Variants in BIRC6 observed in about 807,000 individuals in gnomAD.
BIRC6 encodes the protein baculoviral IAP repeat containing 6.
BIRC6 carries 98 observed loss-of-function variants against 503.3 expected under a neutral mutation model. The observed-to-expected ratio is 0.19, with a 90% CI of 0.17 to 0.23. The LOEUF (loss-of-function observed/expected upper bound fraction) is 0.23. BIRC6 is among the 10% of genes least tolerant of loss of function. The pLI is 1.00. For missense variants in BIRC6, 5,360 were observed against 5,806.0 expected (o/e 0.92, Z 2.50); for synonymous variants, 2,240 against 2,078.7 (o/e 1.08, Z -2.11).
intron 65 of BIRC6, among the ~76,000 whole-genome samples, chr2:32,553,218 A>G (rs1380632549): frequency 6.9e-6 from 1 of 144,746 alleles, no homozygotes; most frequent in Non-Finnish European, 1.5e-5. Flanking sequence ...AAAAAAAAAA[A>G]AAAAAAAAAA....
At chr2:32,405,805 T>G (rs1263784985) in intron 8 of BIRC6, among the ~76,000 whole-genome samples, 1 of 152,222 alleles carries the variant, frequency 6.6e-6, no homozygotes, top group Non-Finnish European at 1.5e-5. Flanking sequence ...AGTAATAGAA[T>G]AGTTCTTAAT....
At position 32,448,855 on chromosome 2, in the gene BIRC6, T is replaced by G; in HGVS notation, c.4545T>G (p.Ser1515=). Residue 1515 remains serine (S), a synonymous_variant, in exon 22 of 74, where the codon TCT becomes TCG. Transcript: ENST00000421745. ...TCTTTGATTTGGAGATGAGTGGCTC[T>G]TCTTGTAAAAATGTTTATAACAGCA... ...PVLFDLEMSG[S]SCKNVYNSSI... is the part of the protein sequence containing the mutation. 6.2e-7 allele frequency: 1 copy of G among 1,613,496 alleles called. No individual in the cohort carries two copies. Among genetic ancestry groups the G allele is most frequent in the Non-Finnish European group, 8.5e-7 (1 of 1,179,494 alleles).
chr2:32,482,920 GTTTT>G (rs781690700), intron 39 of BIRC6, among the ~76,000 whole-genome samples: 1 of 142,458 alleles, frequency 7.0e-6, no homozygotes. Context: ...TATTTTTGCA[GTTTT>G]TTTTTTTTTT....
intron 45 of BIRC6, among the ~76,000 whole-genome samples, chr2:32,497,051 T>C (rs551495621): frequency 1.3e-5 from 2 of 152,340 alleles, no homozygotes; most frequent in Admixed American, 1.3e-4. Flanking sequence ...GAAGTTCCAG[T>C]TTGTTTCTAA....
chr2:32,394,842 ACT>A (rs1345405608), intron 5 of BIRC6, among the ~76,000 whole-genome samples: 2 of 150,932 alleles, frequency 1.3e-5, no homozygotes, highest in East Asian at 3.9e-4. Context: ...TTTTAAAGAG[ACT>A]CTGTCTCTTT....
intron 57 of BIRC6, among the ~76,000 whole-genome samples, chr2:32,520,147 C>T (rs2055494681): frequency 6.6e-6 from 1 of 152,096 alleles, no homozygotes; most frequent in African/African-American, 2.4e-5. Flanking sequence ...TTGGAAATGT[C>T]TATCAGTTAA....
intron 34 of BIRC6, 47 bp downstream of exon 34, chr2:32,476,391 G>A (rs2049768272): frequency 6.6e-7 from 1 of 1,506,500 alleles, no homozygotes; most frequent in Non-Finnish European, 8.9e-7. Context: ...AAGTCAAGGA[G>A]TTATGATCTT....
At chr2:32,499,009 C>T (rs1025000949) in intron 45 of BIRC6, among the ~76,000 whole-genome samples, 9 of 152,200 alleles carry the variant, frequency 5.9e-5, no homozygotes, top group Non-Finnish European at 1.3e-4. Flanking sequence ...TGAGCCACTG[C>T]ACCTGGCCTA....
chr2:32,377,473 C>T, intron 1 of BIRC6, 115 bp from the exon 2 acceptor site: 3 of 778,356 alleles, frequency 3.9e-6, no homozygotes, highest in South Asian at 4.2e-5. Context: ...AAGTTTTTTC[C>T]AGTTTAAGAT....
chr2:32,432,397 A>G (rs755326694), intron 12 of BIRC6, among the ~76,000 whole-genome samples: 3 of 152,126 alleles, frequency 2.0e-5, no homozygotes, highest in African/African-American at 7.2e-5. Context: ...AGCCTGGGCT[A>G]CAGAGTGAGA....
chr2:32,582,244 C>G (rs945984657), intron 66 of BIRC6, among the ~76,000 whole-genome samples: 1 of 151,982 alleles, frequency 6.6e-6, no homozygotes, highest in African/African-American at 2.4e-5. Context: ...TATGGTGGCT[C>G]TTGTGTATAA....
chr2:32,538,083 G>A (rs1356035278), intron 61 of BIRC6, among the ~76,000 whole-genome samples: 1 of 152,172 alleles, frequency 6.6e-6, no homozygotes, highest in Non-Finnish European at 1.5e-5. Context: ...AGTAATATTA[G>A]CGTCTATACT....
chr2:32,412,957 A>C (rs1280540092), intron 9 of BIRC6, among the ~76,000 whole-genome samples: 1 of 151,994 alleles, frequency 6.6e-6, no homozygotes, highest in African/African-American at 2.4e-5. Context: ...TACTTTTTTG[A>C]AAAAAGGTTT....
At chr2:32,435,663 C>A in intron 14 of BIRC6, 78 bp downstream of exon 14, 2 of 1,403,206 alleles carry the variant, frequency 1.4e-6, no homozygotes, top group Non-Finnish European at 1.9e-6. Context: ...GGCAAGATTT[C>A]CTTATGGCTT....
chr2:32,552,341 G>A (rs999778721), intron 65 of BIRC6, among the ~76,000 whole-genome samples: 2 of 152,140 alleles, frequency 1.3e-5, no homozygotes, highest in Non-Finnish European at 2.9e-5. Flanking sequence ...AGTTTACTAT[G>A]TAGCTGGTTA....
At chr2:32,397,574 C>CTGTGTG (rs147651911) in intron 6 of BIRC6, among the ~76,000 whole-genome samples, 6,006 of 137,936 alleles carry the variant, frequency 0.044, 178 homozygotes, top group African/African-American at 0.052. Flanking sequence ...CCCGTAAAGG[C>CTGTGTG]TGTGTGTGTG....
intron 45 of BIRC6, among the ~76,000 whole-genome samples, chr2:32,494,466 T>G (rs1202786077): frequency 6.6e-6 from 1 of 151,402 alleles, no homozygotes; most frequent in East Asian, 1.9e-4. Flanking sequence ...GACCTCGTGA[T>G]CCGCCCGCCT....
rs758870827 is a variant in BIRC6 at position 32,513,024 on chromosome 2, T to G, written c.10438T>G (p.Ser3480Ala). The G allele has an allele frequency of 1.9e-6, 3 of 1,613,960 alleles. No homozygotes were observed. The highest frequency in any genetic ancestry group is 2.5e-6 in the Non-Finnish European group (3 of 1,179,862). ...GRMNYMCPNS[S>A]TVEYGLLMPS... is the part of the protein sequence containing the mutation. The stretch of plus-strand genomic sequence containing the variant: ...GATGAACTACATGTGTCCTAACTCC[T>G]CAACAGTAGAGTATGGTCTTCTGAT... The change falls in exon 54 of 74, where the codon TCA becomes GCA. Residue 3480 changes from serine (S) to alanine (A), a missense_variant. Ser to Ala is a moderately conservative substitution (Grantham distance 99). Coordinates refer to ENST00000421745, the MANE Select transcript of BIRC6 (RefSeq NM_016252.4).
chr2:32,514,813 T>C (rs938873455), intron 54 of BIRC6, among the ~76,000 whole-genome samples, 177 bp from the exon 55 acceptor site: 5 of 152,126 alleles, frequency 3.3e-5, no homozygotes, highest in African/African-American at 9.7e-5. Context: ...ATTTTAAATA[T>C]ATATATGTGT....
Sources: allele counts gnomAD v4.1 joint callset (sites outside exome capture counted in the v4.1 genomes callset), GRCh38; gene constraint gnomAD v4.1.1; transcripts MANE v1.5; gene names NCBI Gene and HGNC (gene_info 2026-07-23, HGNC 2026-07-21).